NXPH1: variants seen among roughly 807,000 people sequenced by gnomAD.
The protein encoded by NXPH1 is neurexophilin 1.
In NXPH1, 5 loss-of-function variants were observed where a neutral mutation model predicts 23.7. That is an observed-to-expected ratio of 0.21 (90% confidence interval 0.11 to 0.44). The LOEUF (loss-of-function observed/expected upper bound fraction) is 0.44, where lower values mean the gene tolerates loss of function less well. Ranked by LOEUF, NXPH1 falls within the 20% of genes least tolerant of loss-of-function variation. The pLI is 0.99. For missense variants in NXPH1, 324 were observed against 321.6 expected (o/e 1.01, Z -0.06); for synonymous variants, 144 against 122.2 (o/e 1.18, Z -1.18).
chr7:8,494,107 G>C lies in NXPH1; in HGVS notation c.54+58340G>C, dbSNP rs146408921. 1.6e-3 allele frequency among the ~76,000 whole-genome samples: 240 copies of C among 152,128 alleles called. 1 individual carries two copies. Among genetic ancestry groups the C allele is most frequent in the African/African-American group, 5.2e-3 (215 of 41,550 alleles). ...GCCTTTACTGGGAATCAAGCTGTCA[G>C]CAGGCTCACAGGGAGGTACTACTTG... On this transcript the variant is annotated intron_variant, in intron 2 of 2. Coordinates refer to ENST00000405863, the MANE Select transcript of NXPH1 (RefSeq NM_152745.3).
intron 2 of NXPH1, among the ~76,000 whole-genome samples, chr7:8,480,673 T>A (rs1317313882): frequency 6.6e-6 from 1 of 152,206 alleles, no homozygotes; most frequent in Non-Finnish European, 1.5e-5. Context: ...GCAACAGCTG[T>A]ACTTTCCAGA....
intron 2 of NXPH1, among the ~76,000 whole-genome samples, chr7:8,451,844 G>C (rs1268366212): frequency 6.6e-6 from 1 of 152,198 alleles, no homozygotes. Flanking sequence ...TGCTGCATAG[G>C]CAAGAAGAGT....
intron 2 of NXPH1, among the ~76,000 whole-genome samples, chr7:8,540,207 A>G (rs1268161614): frequency 6.6e-6 from 1 of 151,752 alleles, no homozygotes; most frequent in African/African-American, 2.4e-5. Flanking sequence ...CACCTTGGAT[A>G]TTCGAAATAA....
chr7:8,701,161 C>G (rs867164294), intron 2 of NXPH1, among the ~76,000 whole-genome samples: 2 of 152,168 alleles, frequency 1.3e-5, no homozygotes, highest in South Asian at 4.1e-4. Flanking sequence ...TAACCTTTAT[C>G]TCTTGCCTGG....
At chr7:8,524,769 C>T (rs1398885029) in intron 2 of NXPH1, among the ~76,000 whole-genome samples, 1 of 152,148 alleles carries the variant, frequency 6.6e-6, no homozygotes, top group African/African-American at 2.4e-5. Flanking sequence ...TTTGCTTCAT[C>T]CTCATTTTTC....
intron 2 of NXPH1, among the ~76,000 whole-genome samples, chr7:8,690,991 C>G (rs745500928): frequency 2.0e-5 from 3 of 152,168 alleles, no homozygotes; most frequent in Non-Finnish European, 2.9e-5. Flanking sequence ...CCTCTGAAGA[C>G]TTCCTTTTAG....
intron 2 of NXPH1, among the ~76,000 whole-genome samples, chr7:8,645,525 G>C (rs774384387): frequency 6.6e-6 from 1 of 151,606 alleles, no homozygotes; most frequent in Non-Finnish European, 1.5e-5. Flanking sequence ...TTACTTTTAG[G>C]AGTTTATTAA....
At chr7:8,453,210 G>A (rs4725092) in intron 2 of NXPH1, among the ~76,000 whole-genome samples, 71,255 of 151,978 alleles carry the variant, frequency 0.47, 17,605 homozygotes, top group East Asian at 0.76. Context: ...TATTTATACT[G>A]TATTCAGAAA....
chr7:8,692,239 T>G (rs1821233456), intron 2 of NXPH1, among the ~76,000 whole-genome samples: 1 of 152,056 alleles, frequency 6.6e-6, no homozygotes, highest in Admixed American at 6.6e-5. Context: ...GTGAAATGAT[T>G]TGATGAACAT....
At chr7:8,549,049 G>A (rs551740030) in intron 2 of NXPH1, among the ~76,000 whole-genome samples, 23 of 151,572 alleles carry the variant, frequency 1.5e-4, no homozygotes, top group African/African-American at 5.5e-4. Context: ...GAAAGATAAA[G>A]TCCCACTAAT....
chr7:8,646,935 G>A (rs908416003), intron 2 of NXPH1, among the ~76,000 whole-genome samples: 1 of 151,860 alleles, frequency 6.6e-6, no homozygotes, highest in African/African-American at 2.4e-5. Context: ...GGGGAGCTGG[G>A]AGGGGTACAT....
chr7:8,732,623 CT>C (rs1256305530), intron 2 of NXPH1, among the ~76,000 whole-genome samples: 2 of 152,106 alleles, frequency 1.3e-5, no homozygotes, highest in Non-Finnish European at 2.9e-5. Flanking sequence ...AAGAAATAGT[CT>C]TTTAATGTGT....
In NXPH1 at chr7:8,703,321, T is replaced by C. The variant is rs116230209; in HGVS notation, c.55-47687T>C. ...TGCAATTATTACGTCTGTGCTACTT[T>C]AGTGTTCCATTCATGCTTTCTCAGT... On this transcript the variant is annotated intron_variant, in intron 2 of 2. Coordinates refer to ENST00000405863, the MANE Select transcript of NXPH1 (RefSeq NM_152745.3). Among the ~76,000 whole-genome samples the C allele has an allele frequency of 8.6e-3, 1,312 of 152,238 alleles. 18 individuals are homozygous for C. Among genetic ancestry groups the C allele is most frequent in the African/African-American group, 0.03 (1,262 of 41,548 alleles).
intron 2 of NXPH1, among the ~76,000 whole-genome samples, chr7:8,577,712 C>T (rs1818782570): frequency 6.6e-6 from 1 of 152,078 alleles, no homozygotes; most frequent in Non-Finnish European, 1.5e-5. Context: ...AGTCTCCTTC[C>T]ACAGTGAGTC....
At chr7:8,452,972 G>A (rs1425292299) in intron 2 of NXPH1, among the ~76,000 whole-genome samples, 1 of 152,076 alleles carries the variant, frequency 6.6e-6, no homozygotes, top group Non-Finnish European at 1.5e-5. Flanking sequence ...TCTGGGGAAA[G>A]TCTCATCAGA....
chr7:8,459,790 C>T (rs1404871794), intron 2 of NXPH1, among the ~76,000 whole-genome samples: 2 of 152,180 alleles, frequency 1.3e-5, no homozygotes, highest in Non-Finnish European at 2.9e-5. Flanking sequence ...GTCTGCATGT[C>T]TGTAAAGAAT....
chr7:8,595,298 A>C (rs1280191144), intron 2 of NXPH1, among the ~76,000 whole-genome samples: 1 of 152,054 alleles, frequency 6.6e-6, no homozygotes, highest in Non-Finnish European at 1.5e-5. Flanking sequence ...AAGACAACAA[A>C]TATGCATTTA....
rs140177004 is a variant in NXPH1, at chr7:8,684,393, G to C, written c.55-66615G>C. On this transcript the variant is annotated intron_variant, in intron 2 of 2. Coordinates refer to ENST00000405863, the MANE Select transcript of NXPH1 (RefSeq NM_152745.3). ...CTTGATGTGAAAGGTTAGGTTCACTGTTCCTACTTTGTTGACTGTTTTCTT... is the reference window on the plus strand; with the variant it reads ...CTTGATGTGAAAGGTTAGGTTCACTCTTCCTACTTTGTTGACTGTTTTCTT... 1.9e-4 allele frequency among the ~76,000 whole-genome samples: 29 copies of C among 152,230 alleles called. No homozygotes were observed. The East Asian group carries it at 5.6e-3, about 29-fold the overall frequency.
chr7:8,455,616 A>C (rs1042431061), intron 2 of NXPH1, among the ~76,000 whole-genome samples: 2 of 152,150 alleles, frequency 1.3e-5, no homozygotes, highest in Non-Finnish European at 2.9e-5. Flanking sequence ...GAGAATGTTA[A>C]TTCCCAGAAA....
Sources: gnomAD v4.1 joint callset for allele counts (sites outside exome capture counted in the v4.1 genomes callset) on GRCh38, gnomAD v4.1.1 for gene constraint, MANE v1.5 for transcripts, NCBI Gene and HGNC (gene_info 2026-07-23, HGNC 2026-07-21) for gene names.